DLG1: variants seen among roughly 807,000 people sequenced by gnomAD.
DLG1 encodes the protein discs large MAGUK scaffold protein 1.
Under a neutral mutation model 123.4 loss-of-function variants are expected in DLG1, and 42 were observed. That is an observed-to-expected ratio of 0.34 (90% CI 0.27 to 0.44). The LOEUF (loss-of-function observed/expected upper bound fraction) is 0.44, where lower values mean the gene tolerates loss of function less well. Ranked by LOEUF, DLG1 falls within the 20% of genes least tolerant of loss-of-function variation. The pLI, the probability that DLG1 is intolerant of heterozygous loss-of-function variation, is 1.00. For missense variants in DLG1, 942 were observed against 1,082.6 expected, an observed-to-expected ratio of 0.87 and a Z score of 1.82; for synonymous variants, 317 against 356.2, an observed-to-expected ratio of 0.89 and a Z score of 1.24.
intron 5 of DLG1, among the ~76,000 whole-genome samples, chr3:197,164,310 T>C (rs747931787): frequency 2.2e-4 from 33 of 151,870 alleles, no homozygotes; most frequent in Non-Finnish European, 3.1e-4. Context: ...GACAGGAGAA[T>C]TGCTAGAGCC....
Position 197,127,490 on chromosome 3 carries a change from AT to A in DLG1, c.1165+3036del, listed in dbSNP as rs1560879053. Among the ~76,000 whole-genome samples the A allele has an allele frequency of 8.2e-3, 589 of 71,744 alleles. 14 individuals carry two copies. Among genetic ancestry groups the A allele is most frequent in the Non-Finnish European group, 0.011 (390 of 35,004 alleles). The allele number at this position is 71,744 out of a possible 152,430, so 47.1% of individuals were successfully genotyped here. A position where few individuals can be genotyped will look rare whatever the true frequency, so the allele number is the denominator to read the frequency against. ...TATATATATATATATATATATATAT[AT>A]ATATAAAGTAAGAAACCTAAAAATA... is the stretch of plus-strand genomic sequence containing the variant. On this transcript the variant is annotated intron_variant, in intron 11 of 24. Transcript: ENST00000667157.
intron 18 of DLG1, chr3:197,069,769 T>C (rs1245812433): frequency 1.3e-5 from 2 of 152,284 alleles, no homozygotes; most frequent in African/African-American, 2.4e-5. Flanking sequence ...TGAGATCATA[T>C]AGATAAAGGA....
At chr3:197,207,917 G>A (rs1729431833) in intron 4 of DLG1, among the ~76,000 whole-genome samples, 3 of 144,334 alleles carry the variant, frequency 2.1e-5, no homozygotes, top group African/African-American at 4.9e-5. Context: ...ACATAATACT[G>A]AGAAGCCATT....
At chr3:197,077,492 CTACTT>C (rs1354945104) in intron 17 of DLG1, among the ~76,000 whole-genome samples, 4 of 152,098 alleles carry the variant, frequency 2.6e-5, no homozygotes, top group Non-Finnish European at 4.4e-5. Flanking sequence ...AAGTTCTACT[CTACTT>C]ATTAAAAAAA....
intron 5 of DLG1, among the ~76,000 whole-genome samples, chr3:197,153,742 T>C (rs2149797265): frequency 6.6e-6 from 1 of 152,212 alleles, no homozygotes; most frequent in Non-Finnish European, 1.5e-5. Context: ...ACCACATGTA[T>C]GGAGGAAATT....
chr3:197,282,048 A>C (rs900992075), intron 4 of DLG1, among the ~76,000 whole-genome samples: 5 of 152,214 alleles, frequency 3.3e-5, no homozygotes, highest in African/African-American at 1.2e-4. Context: ...CAAATGACTA[A>C]TGCTTCTTAG....
intron 8 of DLG1, among the ~76,000 whole-genome samples, chr3:197,138,989 C>A (rs1786521134): frequency 6.6e-6 from 1 of 152,090 alleles, no homozygotes; most frequent in African/African-American, 2.4e-5. Context: ...TTCTGAGTGC[C>A]TATTCCAACC....
chr3:197,166,968 C>T (rs553760005), intron 5 of DLG1, among the ~76,000 whole-genome samples: 1 of 151,990 alleles, frequency 6.6e-6, no homozygotes, highest in Non-Finnish European at 1.5e-5. Context: ...GACTCCAGTG[C>T]TAGAGCTCAG....
chr3:197,186,122 C>T (rs1451277625), intron 5 of DLG1, among the ~76,000 whole-genome samples: 1 of 152,106 alleles, frequency 6.6e-6, no homozygotes, highest in East Asian at 1.9e-4. Flanking sequence ...GTTACATGAC[C>T]TACAAAAATC....
At chr3:197,152,419 CTTT>C (rs768327685) in intron 5 of DLG1, among the ~76,000 whole-genome samples, 2 of 94,690 alleles carry the variant, frequency 2.1e-5, no homozygotes, top group Non-Finnish European at 2.0e-5. Flanking sequence ...ATCCCAAAGT[CTTT>C]TTTTTTTTTT....
intron 11 of DLG1, among the ~76,000 whole-genome samples, chr3:197,120,860 A>C (rs1437817304): frequency 6.6e-6 from 1 of 152,184 alleles, no homozygotes; most frequent in Non-Finnish European, 1.5e-5. Context: ...TTTGAGCCAA[A>C]GGACTTTCTA....
chr3:197,270,389 A>C (rs2151035154), intron 4 of DLG1, among the ~76,000 whole-genome samples: 1 of 152,340 alleles, frequency 6.6e-6, no homozygotes, highest in East Asian at 1.9e-4. Flanking sequence ...GGGGGAACTT[A>C]GCAACCTCTG....
At chr3:197,091,129 G>A in intron 14 of DLG1, 103 bp from the exon 15 acceptor site, 1 of 700,326 alleles carries the variant, frequency 1.4e-6, no homozygotes, top group Non-Finnish European at 2.3e-6. Context: ...GATTAAATGT[G>A]GTTAGAACCT....
At chr3:197,048,813 G>A (rs531450461) in intron 24 of DLG1, among the ~76,000 whole-genome samples, 2 of 152,064 alleles carry the variant, frequency 1.3e-5, no homozygotes, top group East Asian at 1.9e-4. Flanking sequence ...GCACCACCAC[G>A]CCCGGCTAAT....
At chr3:197,048,800 C>T (rs1255487686) in intron 24 of DLG1, among the ~76,000 whole-genome samples, 1 of 152,060 alleles carries the variant, frequency 6.6e-6, no homozygotes, top group Non-Finnish European at 1.5e-5. Context: ...GGATTACAGG[C>T]ATGCACCACC....
intron 4 of DLG1, among the ~76,000 whole-genome samples, chr3:197,237,148 AAGAG>A (rs1301358986): frequency 6.6e-6 from 1 of 152,230 alleles, no homozygotes; most frequent in East Asian, 1.9e-4. Context: ...TTCCAATTGA[AAGAG>A]AGCGTAGACA....
intron 4 of DLG1, among the ~76,000 whole-genome samples, chr3:197,232,327 G>C (rs574164120): frequency 5.3e-4 from 76 of 142,238 alleles, no homozygotes; most frequent in African/African-American, 2.0e-3. Flanking sequence ...TCACGCCACT[G>C]TACTCCAGCA....
At chr3:197,245,041 T>G (rs1457927816) in intron 4 of DLG1, among the ~76,000 whole-genome samples, 1 of 152,208 alleles carries the variant, frequency 6.6e-6, no homozygotes, top group Non-Finnish European at 1.5e-5. Flanking sequence ...GGACCTTTAA[T>G]AAGGCAATAG....
At chr3:197,271,513 C>G (rs1006100558) in intron 4 of DLG1, among the ~76,000 whole-genome samples, 1 of 152,244 alleles carries the variant, frequency 6.6e-6, no homozygotes, top group Non-Finnish European at 1.5e-5. Context: ...GCCTCAGGTT[C>G]TGCTTTTAGG....
Sources: gnomAD v4.1 joint callset for allele counts (sites outside exome capture counted in the v4.1 genomes callset) on GRCh38, gnomAD v4.1.1 for gene constraint, MANE v1.5 for transcripts, NCBI Gene and HGNC (gene_info 2026-07-23, HGNC 2026-07-21) for gene names.